BCL2L13: variants seen among roughly 807,000 people sequenced by gnomAD.
The protein encoded by BCL2L13 is bcl-2-like protein 13.
BCL2L13 carries 13 observed loss-of-function variants against 25.8 expected under a neutral mutation model. The ratio of observed to expected loss-of-function variants is 0.50; its 90% confidence interval spans 0.33 to 0.80. The LOEUF (loss-of-function observed/expected upper bound fraction) is 0.80, where lower values mean the gene tolerates loss of function less well. Ranked by LOEUF, BCL2L13 falls within the 30% of genes least tolerant of loss-of-function variation. The pLI is 0.02. For missense variants in BCL2L13, 504 were observed against 574.9 expected, an observed-to-expected ratio of 0.88 and a Z score of 1.26; for synonymous variants, 244 against 230.3, an observed-to-expected ratio of 1.06 and a Z score of -0.54.
chr22:17,719,746 T>G lies in BCL2L13; in HGVS notation c.601-6931T>G, dbSNP rs533228008. On this transcript the variant is annotated intron_variant, in intron 6 of 6. Coordinates refer to ENST00000317582, the MANE Select transcript of BCL2L13 (RefSeq NM_015367.4). ...CAGGAGGCTGAGGCAGGATAATCGC[T>G]GGAATCCGGGAGGCGGAGGTTGCAG... 5.2e-3 allele frequency among the ~76,000 whole-genome samples: 752 copies of G among 143,912 alleles called. 4 individuals are homozygous for G. The highest frequency in any genetic ancestry group is 0.017 in the African/African-American group (651 of 38,724). The allele number at this position is 143,912 out of a possible 152,430, so 94.4% of individuals were successfully genotyped here.
At chr22:17,694,224 A>G (rs2060198142) in intron 4 of BCL2L13, among the ~76,000 whole-genome samples, 1 of 150,946 alleles carries the variant, frequency 6.6e-6, no homozygotes, top group African/African-American at 2.5e-5. Context: ...TTTAAAATTT[A>G]TGCATGAAAC....
At chr22:17,711,810 G>C (rs921632589) in intron 6 of BCL2L13, among the ~76,000 whole-genome samples, 1 of 152,144 alleles carries the variant, frequency 6.6e-6, no homozygotes, top group Admixed American at 6.6e-5. Flanking sequence ...AGACCTCTCT[G>C]ATCACTGGAT....
intron 6 of BCL2L13, among the ~76,000 whole-genome samples, chr22:17,723,904 G>A (rs920551011): frequency 6.6e-6 from 1 of 150,820 alleles, no homozygotes; most frequent in South Asian, 2.1e-4. Flanking sequence ...CTGCACTCCA[G>A]CCTGATGACA....
chr22:17,645,347 G>A (rs1007925370), intron 1 of BCL2L13, among the ~76,000 whole-genome samples: 1 of 147,548 alleles, frequency 6.8e-6, no homozygotes, highest in Non-Finnish European at 1.5e-5. Context: ...TCAGCCTCCT[G>A]AGTAGCTGGG....
At chr22:17,676,109 G>A (rs1004687743) in intron 2 of BCL2L13, among the ~76,000 whole-genome samples, 8 of 152,164 alleles carry the variant, frequency 5.3e-5, no homozygotes, top group Non-Finnish European at 1.2e-4. Flanking sequence ...AGCACCTGTC[G>A]ATTGGGCATT....
At chr22:17,686,385 G>C (rs866042031) in intron 3 of BCL2L13, among the ~76,000 whole-genome samples, 1 of 152,004 alleles carries the variant, frequency 6.6e-6, no homozygotes, top group East Asian at 1.9e-4. Context: ...AGGAAGCATA[G>C]GTTGTAGTGA....
intron 4 of BCL2L13, 104 bp from the exon 5 acceptor site, chr22:17,696,037 C>CAAA: frequency 1.4e-6 from 1 of 714,422 alleles, no homozygotes; most frequent in East Asian, 3.2e-5. Flanking sequence ...TAATCTTTGT[C>CAAA]AGTTTAGCAA....
chr22:17,652,796 G>C (rs1303451811), intron 1 of BCL2L13, among the ~76,000 whole-genome samples: 1 of 152,168 alleles, frequency 6.6e-6, no homozygotes, highest in Non-Finnish European at 1.5e-5. Flanking sequence ...CAGGCGCGGT[G>C]GCTCAAGCCT....
At position 17,649,214 on chromosome 22, in the gene BCL2L13, C is replaced by CA. The variant is rs1371192904; in HGVS notation, c.-50-6447dup. Among the ~76,000 whole-genome samples the CA allele has an allele frequency of 1.1e-4, 16 of 152,182 alleles. No individual in the cohort carries two copies. The East Asian group carries it at 3.1e-3, about 29-fold the overall frequency. On this transcript the variant is annotated intron_variant, in intron 1 of 6. Transcript: ENST00000317582. ...CCAGGCTCAATCAATTCTCTTGCCT[C>CA]AGCCTCCGGAGTGGCTGGTATTATA...
intron 4 of BCL2L13, among the ~76,000 whole-genome samples, chr22:17,691,926 TA>T (rs2145641412): frequency 6.6e-6 from 1 of 152,334 alleles, no homozygotes; most frequent in South Asian, 2.1e-4. Flanking sequence ...TTGATAGAAT[TA>T]TTTTTGAAAT....
chr22:17,641,192 A>C (rs1160206951), intron 1 of BCL2L13, among the ~76,000 whole-genome samples: 1 of 152,014 alleles, frequency 6.6e-6, no homozygotes, highest in Non-Finnish European at 1.5e-5. Flanking sequence ...GCCCGGCCTA[A>C]ATAGATATGT....
upstream of BCL2L13, among the ~76,000 whole-genome samples, chr22:17,636,431 G>A (rs2058107802): frequency 6.6e-6 from 1 of 151,876 alleles, no homozygotes; most frequent in Non-Finnish European, 1.5e-5. Flanking sequence ...GGTCCATGAT[G>A]CAGTGAGGTA....
Position 17,709,924 on chromosome 22 carries a change from T to C in BCL2L13, c.600+7538T>C, listed in dbSNP as rs1028899536. On this transcript the variant is annotated intron_variant, in intron 6 of 6. Coordinates refer to ENST00000317582, the MANE Select transcript of BCL2L13 (RefSeq NM_015367.4). The stretch of plus-strand genomic sequence containing the variant: ...TGAGAGCCCATCTCTACAAAAAATA[T>C]AAAAATTAACTGGAAGTAATCTGTG... Among the ~76,000 whole-genome samples, 7 of 151,172 alleles carry C rather than the reference T, an allele frequency of 4.6e-5. No individual in the cohort carries two copies. The South Asian group carries it at 1.5e-3, about 32-fold the overall frequency.
upstream of BCL2L13, among the ~76,000 whole-genome samples, chr22:17,635,466 ATGCAATT>A (rs769391405): frequency 1.3e-5 from 2 of 152,234 alleles, no homozygotes; most frequent in African/African-American, 2.4e-5. Flanking sequence ...ATATTATTTT[ATGCAATT>A]TGCTGAAAAG....
intron 5 of BCL2L13, among the ~76,000 whole-genome samples, chr22:17,696,761 A>G (rs2145675720): frequency 6.6e-6 from 1 of 152,284 alleles, no homozygotes; most frequent in East Asian, 1.9e-4. Context: ...TCCCTTGACC[A>G]GTCAATATTG....
intron 2 of BCL2L13, among the ~76,000 whole-genome samples, chr22:17,680,670 GGTAA>G (rs1400548434): frequency 6.6e-6 from 1 of 152,082 alleles, no homozygotes. Context: ...TGATTCACGA[GGTAA>G]GTGAGCATCA....
intron 6 of BCL2L13, among the ~76,000 whole-genome samples, chr22:17,722,357 T>C (rs887489097): frequency 1.4e-5 from 2 of 145,860 alleles, no homozygotes; most frequent in African/African-American, 5.2e-5. Context: ...GCCTCCTGAG[T>C]TGAGTAGATG....
At chr22:17,721,478 A>G (rs1374345790) in intron 6 of BCL2L13, among the ~76,000 whole-genome samples, 3 of 149,698 alleles carry the variant, frequency 2.0e-5, no homozygotes, top group Admixed American at 2.0e-4. Flanking sequence ...CATTCTTTTA[A>G]ATAAATGGAA....
At chr22:17,680,869 C>A (rs2059732077) in intron 2 of BCL2L13, among the ~76,000 whole-genome samples, 1 of 152,136 alleles carries the variant, frequency 6.6e-6, no homozygotes, top group African/African-American at 2.4e-5. Flanking sequence ...AGATTTATGG[C>A]AGGCTGCTGC....
Sources: gnomAD v4.1 joint callset for allele counts (sites outside exome capture counted in the v4.1 genomes callset) on GRCh38, gnomAD v4.1.1 for gene constraint, MANE v1.5 for transcripts, NCBI Gene and HGNC (gene_info 2026-07-23, HGNC 2026-07-21) for gene names.